The following MPP7 variants were observed in gnomAD, a reference collection of about 807,000 sequenced individuals.
The protein encoded by MPP7 is MAGUK p55 scaffold protein 7.
Under a neutral mutation model 76.5 loss-of-function variants are expected in MPP7, and 60 were observed. The ratio of observed to expected loss-of-function variants is 0.78; its 90% CI spans 0.64 to 0.97. The LOEUF is 0.97. Among genes scored for constraint, MPP7 ranks in the 50% least tolerant of loss-of-function variants. The pLI is 0.00. For missense variants in MPP7, 641 were observed against 694.0 expected (o/e 0.92, Z 0.86); for synonymous variants, 237 against 244.5 (o/e 0.97, Z 0.29).
At chr10:28,187,855 T>C (rs1837287267) in intron 3 of MPP7, among the ~76,000 whole-genome samples, 1 of 152,164 alleles carries the variant, frequency 6.6e-6, no homozygotes, top group Non-Finnish European at 1.5e-5. Context: ...TTAAAATACC[T>C]TGACTGGATC....
chr10:28,140,505 A>C (rs1196089398), intron 5 of MPP7, among the ~76,000 whole-genome samples: 2 of 151,614 alleles, frequency 1.3e-5, no homozygotes, highest in East Asian at 1.9e-4. Context: ...AGTGAGACTT[A>C]GTTTCAAAAA....
intron 6 of MPP7, among the ~76,000 whole-genome samples, chr10:28,128,851 T>C (rs1282708843): frequency 1.3e-5 from 2 of 152,208 alleles, no homozygotes; most frequent in Admixed American, 6.5e-5. Flanking sequence ...CTCTGGCACA[T>C]AGACGCTTTT....
chr10:28,277,329 A>G (rs1249293335), intron 1 of MPP7, among the ~76,000 whole-genome samples: 1 of 151,796 alleles, frequency 6.6e-6, no homozygotes, highest in Non-Finnish European at 1.5e-5. Context: ...TCAGCCACAC[A>G]TAAAGTACAC....
rs1464677905 is a variant in MPP7 at position 28,201,122 on chromosome 10, T to G, written c.156+1031A>C. Reference sequence around the variant, plus strand: ...ACACTGTTATGAAAAAATAAAGAAATGAACAAATAAACATGGTCTTTAAAT... The same window carrying G: ...ACACTGTTATGAAAAAATAAAGAAAGGAACAAATAAACATGGTCTTTAAAT... On this transcript the variant is annotated intron_variant, in intron 3 of 16. Transcript: ENST00000683449. Among the ~76,000 whole-genome samples the G allele has an allele frequency of 2.0e-5, 3 of 152,168 alleles. No individual in the cohort carries two copies. The South Asian group carries it at 6.2e-4, about 32-fold the overall frequency.
At chr10:28,158,319 ATGTG>A (rs1239405593) in intron 3 of MPP7, among the ~76,000 whole-genome samples, 4 of 152,138 alleles carry the variant, frequency 2.6e-5, no homozygotes, top group Admixed American at 2.6e-4. Flanking sequence ...ACTTCCCAGA[ATGTG>A]TGTGTGTGAA....
chr10:28,264,446 G>A lies in MPP7; in HGVS notation c.-131-25711C>T, dbSNP rs7094899. ...AGACCACAGATCCTCAGGATGGGGC[G>A]CTGGTGGACCAGAAACCCCACCACG... On this transcript the variant is annotated intron_variant, in intron 1 of 16. Coordinates refer to ENST00000683449, the MANE Select transcript of MPP7 (RefSeq NM_001318170.2). Among the ~76,000 whole-genome samples the A allele has an allele frequency of 4.8e-3, 724 of 152,168 alleles. 7 individuals are homozygous for A. The highest frequency in any genetic ancestry group is 0.016 in the African/African-American group (655 of 41,496).
chr10:28,147,355 C>T (rs1835741820), intron 5 of MPP7, 128 bp downstream of exon 5: 8 of 688,674 alleles, frequency 1.2e-5, no homozygotes, highest in Non-Finnish European at 2.1e-5. Context: ...AGGATTTAGG[C>T]TATTAAAATA....
intron 11 of MPP7, among the ~76,000 whole-genome samples, chr10:28,102,542 G>A (rs889904892): frequency 1.3e-5 from 2 of 152,090 alleles, no homozygotes; most frequent in Non-Finnish European, 2.9e-5. Context: ...TTAAATCTTG[G>A]AGTGTCATAG....
intron 1 of MPP7, among the ~76,000 whole-genome samples, chr10:28,275,324 G>GA (rs1840458388): frequency 1.3e-5 from 2 of 151,882 alleles, no homozygotes; most frequent in African/African-American, 4.8e-5. Context: ...GCCCAAGGCA[G>GA]AAATCTTAGA....
At chr10:28,239,002 A>G (rs1184275745) in intron 1 of MPP7, among the ~76,000 whole-genome samples, 1 of 152,166 alleles carries the variant, frequency 6.6e-6, no homozygotes, top group Non-Finnish European at 1.5e-5. Flanking sequence ...CACTGATTGG[A>G]TACGTGGATA....
chr10:28,174,617 T>C (rs1836796863), intron 3 of MPP7, among the ~76,000 whole-genome samples: 1 of 152,180 alleles, frequency 6.6e-6, no homozygotes, highest in South Asian at 2.1e-4. Context: ...TATTCCTTTG[T>C]AGCAACACAA....
intron 5 of MPP7, among the ~76,000 whole-genome samples, chr10:28,146,551 G>A (rs1189539176): frequency 6.6e-6 from 1 of 151,146 alleles, no homozygotes; most frequent in Non-Finnish European, 1.5e-5. Context: ...ACAGGCGCCC[G>A]CCACATGTTT....
chr10:28,281,749 A>C (rs1840679891), intron 1 of MPP7, among the ~76,000 whole-genome samples: 1 of 152,096 alleles, frequency 6.6e-6, no homozygotes, highest in South Asian at 2.1e-4. Flanking sequence ...AGCCTGTTTC[A>C]GTTAAGAAAA....
At chr10:28,298,184 C>T (rs527668572) in intron 1 of MPP7, among the ~76,000 whole-genome samples, 1 of 152,272 alleles carries the variant, frequency 6.6e-6, no homozygotes, top group South Asian at 2.1e-4. Flanking sequence ...TCACAAATGC[C>T]CTTAATGGCA....
intron 1 of MPP7, among the ~76,000 whole-genome samples, chr10:28,255,592 A>G (rs981028045): frequency 4.0e-5 from 6 of 151,652 alleles, no homozygotes; most frequent in African/African-American, 1.2e-4. Context: ...TTTTTAGTAG[A>G]GTCAGGGTTT....
At chr10:28,293,767 C>A (rs1358024525) in intron 1 of MPP7, among the ~76,000 whole-genome samples, 2 of 152,134 alleles carry the variant, frequency 1.3e-5, no homozygotes, top group Non-Finnish European at 2.9e-5. Context: ...TCCTAGCGAC[C>A]GAGTAGCAAA....
chr10:28,290,286 C>CT lies in MPP7; in HGVS notation c.-132+12574dup, dbSNP rs57836658. Among the ~76,000 whole-genome samples the CT allele has an allele frequency of 7.3e-3, 956 of 131,824 alleles. 6 individuals carry two copies. The highest frequency in any genetic ancestry group is 0.015 in the African/African-American group (546 of 35,884). 86.5% of individuals were successfully genotyped at this position (131,824 alleles called of 152,430 possible). ...CACGAATTACAGTCTTTTTACTTTC[C>CT]TTTTTTTTTTTTTTTTTTTAACATA... is the stretch of plus-strand genomic sequence containing the variant. On this transcript the variant is annotated intron_variant, in intron 1 of 16. Transcript: ENST00000683449.
intron 1 of MPP7, among the ~76,000 whole-genome samples, chr10:28,302,624 G>T (rs1476723787): frequency 6.6e-6 from 1 of 151,862 alleles, no homozygotes; most frequent in Non-Finnish European, 1.5e-5. Flanking sequence ...GTCTCCAGGG[G>T]TCCTCAGGGT....
intron 15 of MPP7, chr10:28,057,898 A>G: frequency 8.4e-7 from 1 of 1,192,480 alleles, no homozygotes; most frequent in Non-Finnish European, 1.1e-6. Flanking sequence ...TGGAAGATGT[A>G]TGGTTTGATA....
Sources: allele counts gnomAD v4.1 joint callset (sites outside exome capture counted in the v4.1 genomes callset), GRCh38; gene constraint gnomAD v4.1.1; transcripts MANE v1.5; gene names NCBI Gene and HGNC (gene_info 2026-07-23, HGNC 2026-07-21).